SMG1: variants seen among roughly 807,000 people sequenced by gnomAD.
SMG1 encodes SMG1 nonsense mediated mRNA decay associated PI3K related kinase, also known as serine/threonine-protein kinase SMG1.
A neutral mutation model predicts 419.9 loss-of-function variants in SMG1; 22 were observed. That is an observed-to-expected ratio of 0.05 (90% CI 0.04 to 0.07). The LOEUF is 0.07. Ranked by LOEUF, SMG1 falls within the 10% of genes least tolerant of loss-of-function variation. SMG1 has a pLI of 1.00. For missense variants in SMG1, 3,185 were observed against 4,342.0 expected (o/e 0.73, Z 7.49); for synonymous variants, 1,538 against 1,553.5 (o/e 0.99, Z 0.23).
intron 3 of SMG1, among the ~76,000 whole-genome samples, chr16:18,893,508 C>G (rs909496419): frequency 2.6e-5 from 4 of 152,112 alleles, no homozygotes; most frequent in African/African-American, 9.7e-5. Context: ...GCCTGTAATC[C>G]CAGCTACTCA....
At chr16:18,914,665 C>CAAATA (rs890748026) in intron 1 of SMG1, among the ~76,000 whole-genome samples, 3 of 151,992 alleles carry the variant, frequency 2.0e-5, no homozygotes, top group Non-Finnish European at 4.4e-5. Context: ...GCCTGGATGA[C>CAAATA]AAATAAAATA....
intron 10 of SMG1, among the ~76,000 whole-genome samples, chr16:18,880,775 T>A (rs1171276153): frequency 1.3e-5 from 2 of 149,194 alleles, no homozygotes; most frequent in African/African-American, 5.0e-5. Context: ...GGCTCATGTC[T>A]ATAATCCCAA....
chr16:18,897,109 TAAG>T (rs949658139), intron 1 of SMG1, among the ~76,000 whole-genome samples, 153 bp from the exon 2 acceptor site: 1 of 152,258 alleles, frequency 6.6e-6, no homozygotes, highest in African/African-American at 2.4e-5. Context: ...AGCTGTCTAA[TAAG>T]AAGTCTTTCA....
chr16:18,812,655 C>A (rs1452112884), intron 60 of SMG1, among the ~76,000 whole-genome samples: 4 of 147,516 alleles, frequency 2.7e-5, no homozygotes, highest in Non-Finnish European at 4.5e-5. Flanking sequence ...TATACACACA[C>A]ACACACATAT....
chr16:18,841,397 CA>C (rs149043036), intron 41 of SMG1, among the ~76,000 whole-genome samples, 167 bp downstream of exon 41: 7,149 of 105,252 alleles, frequency 0.068, 229 homozygotes, highest in African/African-American at 0.13. Flanking sequence ...GACTGTGTCT[CA>C]AAAAAAAAAA....
intron 29 of SMG1, chr16:18,856,364 T>C (rs2141436056): frequency 1.5e-5 from 2 of 131,584 alleles, no homozygotes; most frequent in Middle Eastern, 4.3e-3. Context: ...TGAAATAGAG[T>C]CTCACTCTGT....
Position 18,832,712 on chromosome 16 carries a change from G to A in SMG1, c.8792+228C>T, listed in dbSNP as rs1157899799. 2.0e-5 allele frequency among the ~76,000 whole-genome samples: 3 copies of A among 151,942 alleles called. No individual in the cohort carries two copies. The East Asian group carries it at 5.8e-4, about 29-fold the overall frequency. ...ACTATAGATACTAACACTGAAGGAA[G>A]GATGAAGCATGCACAATACCTGCCT... On this transcript the variant is annotated intron_variant, in intron 51 of 62. Transcript: ENST00000446231.
chr16:18,837,379 T>C lies in SMG1; in HGVS notation c.7478A>G (p.Asp2493Gly). ...VVLPKLDGSLDEYLSLQEQLT... is the reference protein window; with the variant it reads ...VVLPKLDGSLGEYLSLQEQLT... Reference sequence around the variant, plus strand: ...TTGCTCTTGCAAGCTTAGGTATTCATCTAAGCTACCGTCCAACTTGGGAAG... The same window carrying C: ...TTGCTCTTGCAAGCTTAGGTATTCACCTAAGCTACCGTCCAACTTGGGAAG... Residue 2493 changes from aspartate to glycine, a missense_variant, in exon 46 of 63, where the codon GAT (aspartate) becomes GGT (glycine). Transcript: ENST00000446231. 2 of 1,613,928 alleles carry C rather than the reference T, an allele frequency of 1.2e-6. No individual in the cohort carries two copies. The highest frequency in any genetic ancestry group is 2.2e-5 in the East Asian group (1 of 44,884).
At chr16:18,880,102 C>CT in intron 10 of SMG1, among the ~76,000 whole-genome samples, 1 of 152,320 alleles carries the variant, frequency 6.6e-6, no homozygotes, top group South Asian at 2.1e-4. Context: ...TACAAGCTAG[C>CT]TCTTGGGCTT....
At chr16:18,830,617 G>A (rs941498541) in intron 51 of SMG1, among the ~76,000 whole-genome samples, 9 of 152,004 alleles carry the variant, frequency 5.9e-5, no homozygotes, top group South Asian at 2.1e-4. Context: ...GAGAAACCCC[G>A]TCTCTACTAA....
chr16:18,851,022 T>C (rs2034561341), intron 33 of SMG1, among the ~76,000 whole-genome samples: 1 of 152,188 alleles, frequency 6.6e-6, no homozygotes, highest in Non-Finnish European at 1.5e-5. Flanking sequence ...CTCAAAGTGC[T>C]GGAATTACAG....
intron 55 of SMG1, among the ~76,000 whole-genome samples, chr16:18,820,664 C>A (rs1336012261): frequency 1.3e-5 from 2 of 152,148 alleles, no homozygotes; most frequent in African/African-American, 4.8e-5. Flanking sequence ...TCTCTAAAAT[C>A]ATAAAGAGGA....
At chr16:18,900,202 T>A (rs1443047242) in intron 1 of SMG1, 2 of 525,312 alleles carry the variant, frequency 3.8e-6, no homozygotes, top group Admixed American at 6.5e-5. Flanking sequence ...GGAAAGCCAC[T>A]CTGTGCCTTA....
chr16:18,837,974 TA>T (rs761196871), intron 45 of SMG1, 39 bp downstream of exon 45: 28 of 1,593,854 alleles, frequency 1.8e-5, no homozygotes, highest in Non-Finnish European at 2.4e-5. Flanking sequence ...ACTCTATTAA[TA>T]AAAAGAAGAC....
At position 18,829,333 on chromosome 16, in the gene SMG1, A is replaced by T; in HGVS notation, c.9556T>A (p.Cys3186Ser). The part of the protein sequence containing the change: ...VRRLETSISS[C>S]KTSLQRVQLH... Reference sequence around the variant, plus strand: ...TGAACCCGCTGCAGGCTTGTCTTACAAGAAGAAATACTGGTTTCTAGCCTT... The same window carrying T: ...TGAACCCGCTGCAGGCTTGTCTTACTAGAAGAAATACTGGTTTCTAGCCTT... The change falls in exon 54 of 63, where the codon TGT (cysteine) becomes AGT (serine). Residue 3186 changes from cysteine (C) to serine (S), a missense_variant. Physicochemically the swap from Cys to Ser is moderately radical, Grantham distance 112. Coordinates refer to ENST00000446231, the MANE Select transcript of SMG1 (RefSeq NM_015092.5). The T allele has an allele frequency of 6.2e-7, 1 of 1,614,008 alleles. No individual in the cohort carries two copies. The highest frequency in any genetic ancestry group is 8.5e-7 in the Non-Finnish European group (1 of 1,179,882).
chr16:18,887,009 G>C (rs2036638536), intron 6 of SMG1, among the ~76,000 whole-genome samples: 1 of 152,042 alleles, frequency 6.6e-6, no homozygotes, highest in Non-Finnish European at 1.5e-5. Context: ...CTTATTCTTG[G>C]GAGATGCATA....
At chr16:18,887,394 C>A (rs2036656280) in intron 6 of SMG1, among the ~76,000 whole-genome samples, 1 of 151,742 alleles carries the variant, frequency 6.6e-6, no homozygotes, top group Non-Finnish European at 1.5e-5. Context: ...TAATGGAGTG[C>A]AGTAGCTTGA....
chr16:18,895,392 T>G (rs1239746144), intron 3 of SMG1, among the ~76,000 whole-genome samples: 2 of 151,718 alleles, frequency 1.3e-5, no homozygotes, highest in Non-Finnish European at 2.9e-5. Context: ...GGCACGAGAA[T>G]CACTTGAACC....
At chr16:18,919,829 C>T (rs912033609) in intron 1 of SMG1, among the ~76,000 whole-genome samples, 7 of 152,006 alleles carry the variant, frequency 4.6e-5, no homozygotes, top group Non-Finnish European at 7.4e-5. Context: ...GGTCCAGGCA[C>T]GGTGTCTCAC....
Sources: gnomAD v4.1 joint callset for allele counts (sites outside exome capture counted in the v4.1 genomes callset) on GRCh38, gnomAD v4.1.1 for gene constraint, MANE v1.5 for transcripts, NCBI Gene and HGNC (gene_info 2026-07-23, HGNC 2026-07-21) for gene names.